Variants in NRG3 observed in about 807,000 individuals in gnomAD.
The protein encoded by NRG3 is pro-neuregulin-3, membrane-bound isoform.
In NRG3, 31 loss-of-function variants were observed where a neutral mutation model predicts 66.9. The observed-to-expected ratio is 0.46, with a 90% CI of 0.35 to 0.63. The LOEUF (loss-of-function observed/expected upper bound fraction) is 0.63, where lower values mean the gene tolerates loss of function less well. Ranked by LOEUF, NRG3 falls within the 20% of genes least tolerant of loss-of-function variation. The pLI, the probability that NRG3 is intolerant of heterozygous loss-of-function variation, is 0.00. For missense variants in NRG3, 910 were observed against 878.9 expected, an observed-to-expected ratio of 1.04 and a Z score of -0.45; for synonymous variants, 393 against 359.4, an observed-to-expected ratio of 1.09 and a Z score of -1.06.
At chr10:82,318,276 G>A (rs1348079199) in intron 1 of NRG3, among the ~76,000 whole-genome samples, 4 of 152,118 alleles carry the variant, frequency 2.6e-5, no homozygotes, top group African/African-American at 7.2e-5. Flanking sequence ...GCAGGTTTGT[G>A]TGACCCAGTT....
chr10:82,425,476 C>T (rs568190544), intron 2 of NRG3, among the ~76,000 whole-genome samples: 3 of 151,842 alleles, frequency 2.0e-5, no homozygotes, highest in Admixed American at 6.6e-5. Context: ...CTTTTCTTTT[C>T]CCCATTAGAA....
At chr10:82,758,825 A>C (rs530746598) in intron 3 of NRG3, among the ~76,000 whole-genome samples, 1 of 152,164 alleles carries the variant, frequency 6.6e-6, no homozygotes, top group East Asian at 1.9e-4. Flanking sequence ...AGACATTTAT[A>C]AAATAATAAG....
chr10:81,919,693 T>C (rs1443607479), intron 1 of NRG3, among the ~76,000 whole-genome samples: 2 of 152,010 alleles, frequency 1.3e-5, no homozygotes, highest in Non-Finnish European at 2.9e-5. Flanking sequence ...GAAACTGAGA[T>C]TAGATATTGA....
chr10:82,980,816 G>A (rs1259461310), intron 8 of NRG3, among the ~76,000 whole-genome samples: 3 of 152,296 alleles, frequency 2.0e-5, no homozygotes, highest in African/African-American at 7.2e-5. Flanking sequence ...GAGTCAAGAA[G>A]CAGTTTGCAT....
chr10:82,487,266 C>T (rs1359644406), intron 2 of NRG3, among the ~76,000 whole-genome samples: 2 of 151,906 alleles, frequency 1.3e-5, no homozygotes, highest in African/African-American at 4.8e-5. Flanking sequence ...GATACTTCAT[C>T]GTCCTGCAAG....
chr10:82,721,271 A>G (rs1190339089), intron 2 of NRG3, among the ~76,000 whole-genome samples: 1 of 149,332 alleles, frequency 6.7e-6, no homozygotes, highest in Non-Finnish European at 1.5e-5. Context: ...AGCTGGGACT[A>G]CAGGTGCCCT....
chr10:82,795,844 G>T (rs75226634), intron 3 of NRG3, among the ~76,000 whole-genome samples: 17 of 152,144 alleles, frequency 1.1e-4, no homozygotes, highest in Middle Eastern at 6.8e-3. Context: ...TAATTATGTG[G>T]CATTTAGCAT....
intron 4 of NRG3, among the ~76,000 whole-genome samples, chr10:82,893,616 A>T (rs572931277): frequency 7.2e-5 from 11 of 152,250 alleles, no homozygotes; most frequent in Non-Finnish European, 1.2e-4. Flanking sequence ...TGAACCAGGG[A>T]GTAGGAGGTT....
At chr10:82,744,746 G>A (rs1490584955) in intron 3 of NRG3, among the ~76,000 whole-genome samples, 5 of 152,098 alleles carry the variant, frequency 3.3e-5, no homozygotes. Flanking sequence ...TGGACAAGTT[G>A]CATAACATTA....
intron 1 of NRG3, among the ~76,000 whole-genome samples, chr10:82,114,930 CAT>C (rs2067614691): frequency 6.6e-6 from 1 of 152,170 alleles, no homozygotes; most frequent in African/African-American, 2.4e-5. Context: ...ATCATTGAAT[CAT>C]AGCACTTTTT....
intron 2 of NRG3, among the ~76,000 whole-genome samples, chr10:82,672,855 T>C (rs1033765678): frequency 6.6e-6 from 1 of 152,142 alleles, no homozygotes; most frequent in Non-Finnish European, 1.5e-5. Flanking sequence ...GTTCAAGCAA[T>C]CCTCCTGCCT....
chr10:81,999,690 A>G (rs1360747615), intron 1 of NRG3, among the ~76,000 whole-genome samples: 1 of 152,198 alleles, frequency 6.6e-6, no homozygotes, highest in African/African-American at 2.4e-5. Flanking sequence ...GCCTTTAACA[A>G]CTAGCAGATG....
At chr10:82,737,247 T>C (rs1366594917) in intron 2 of NRG3, among the ~76,000 whole-genome samples, 2 of 152,124 alleles carry the variant, frequency 1.3e-5, no homozygotes, top group Non-Finnish European at 2.9e-5. Flanking sequence ...AATTGCCAAA[T>C]CCACTCTAGA....
At chr10:82,976,351 C>T (rs1353977227) in intron 7 of NRG3, among the ~76,000 whole-genome samples, 3 of 151,914 alleles carry the variant, frequency 2.0e-5, no homozygotes, top group African/African-American at 7.3e-5. Context: ...CCACTGTGCC[C>T]CACCATGCCA....
intron 3 of NRG3, among the ~76,000 whole-genome samples, chr10:82,854,490 C>G (rs1306662971): frequency 6.6e-6 from 1 of 152,028 alleles, no homozygotes; most frequent in African/African-American, 2.4e-5. Context: ...CAGTGATTTC[C>G]TATGAAAGAA....
At chr10:82,868,548 G>T (rs1037903945) in intron 4 of NRG3, among the ~76,000 whole-genome samples, 1 of 151,994 alleles carries the variant, frequency 6.6e-6, no homozygotes, top group African/African-American at 2.4e-5. Context: ...AGCTAAAAAA[G>T]GATTGTTTGC....
At chr10:82,437,981 C>T (rs558690924) in intron 2 of NRG3, among the ~76,000 whole-genome samples, 1 of 152,298 alleles carries the variant, frequency 6.6e-6, no homozygotes, top group Non-Finnish European at 1.5e-5. Context: ...TAGGATCACT[C>T]CTGAATAGGG....
At chr10:82,338,996 C>T (rs3897738) in intron 1 of NRG3, among the ~76,000 whole-genome samples, 56,627 of 152,050 alleles carry the variant, frequency 0.37, 15,157 homozygotes, top group African/African-American at 0.74. Flanking sequence ...ACCAACACTG[C>T]CATGAAGAAG....
chr10:82,222,498 C>T (rs913095666), intron 1 of NRG3, among the ~76,000 whole-genome samples: 2 of 152,132 alleles, frequency 1.3e-5, no homozygotes, highest in Non-Finnish European at 2.9e-5. Flanking sequence ...GTTGATTAGA[C>T]CCCTGGGTTT....
Sources: gnomAD v4.1 joint callset for allele counts (sites outside exome capture counted in the v4.1 genomes callset) on GRCh38, gnomAD v4.1.1 for gene constraint, MANE v1.5 for transcripts, NCBI Gene and HGNC (gene_info 2026-07-23, HGNC 2026-07-21) for gene names.